BAZ1A: variants seen among roughly 807,000 people sequenced by gnomAD.
BAZ1A encodes bromodomain adjacent to zinc finger domain 1A.
A neutral mutation model predicts 185.2 loss-of-function variants in BAZ1A; 50 were observed. That is an observed-to-expected ratio of 0.27 (90% CI 0.22 to 0.34). BAZ1A has a LOEUF of 0.34. Among genes scored for constraint, BAZ1A ranks in the 10% least tolerant of loss-of-function variants. The pLI is 1.00. For missense variants in BAZ1A, 1,356 were observed against 1,839.9 expected (o/e 0.74, Z 4.81); for synonymous variants, 571 against 615.6 (o/e 0.93, Z 1.07).
intron 23 of BAZ1A, 77 bp downstream of exon 23, chr14:34,764,630 T>C: frequency 1.6e-5 from 24 of 1,526,334 alleles, no homozygotes; most frequent in Non-Finnish European, 2.0e-5. Flanking sequence ...ACCCTAACTA[T>C]TCCATTTGTA....
intron 2 of BAZ1A, among the ~76,000 whole-genome samples, chr14:34,873,412 C>G (rs1241253060): frequency 1.8e-4 from 27 of 152,196 alleles, no homozygotes. Flanking sequence ...AAACACAAGA[C>G]GCTAAAACAC....
chr14:34,832,215 C>CACACACACACACACACACACATAT, intron 3 of BAZ1A, among the ~76,000 whole-genome samples: 1 of 89,670 alleles, frequency 1.1e-5, no homozygotes. Flanking sequence ...CACACACACA[C>CACACACACACACACACACACATAT]ATATATATAT....
intron 5 of BAZ1A, among the ~76,000 whole-genome samples, chr14:34,808,840 T>C (rs1374063345): frequency 1.3e-5 from 2 of 152,198 alleles, no homozygotes; most frequent in Admixed American, 1.3e-4. Flanking sequence ...AATGTTTTAA[T>C]TGAGTTCAAT....
intron 4 of BAZ1A, among the ~76,000 whole-genome samples, chr14:34,825,137 T>C (rs2042147309): frequency 6.6e-6 from 1 of 151,924 alleles, no homozygotes; most frequent in Admixed American, 6.6e-5. Flanking sequence ...ACTGTTAAAG[T>C]ACAGAATGGA....
intron 2 of BAZ1A, among the ~76,000 whole-genome samples, chr14:34,868,280 C>T (rs1237916320): frequency 6.6e-6 from 1 of 152,180 alleles, no homozygotes; most frequent in Non-Finnish European, 1.5e-5. Flanking sequence ...TACTGATTAT[C>T]TGGCCCTTTG....
intron 2 of BAZ1A, among the ~76,000 whole-genome samples, chr14:34,864,435 A>T (rs1490881369): frequency 6.6e-6 from 1 of 151,724 alleles, no homozygotes; most frequent in African/African-American, 2.4e-5. Flanking sequence ...GAGCCACCGC[A>T]TTCAGTCCTG....
At chr14:34,778,568 A>G (rs1199857545) in intron 17 of BAZ1A, among the ~76,000 whole-genome samples, 1 of 152,250 alleles carries the variant, frequency 6.6e-6, no homozygotes, top group African/African-American at 2.4e-5. Flanking sequence ...TACTGATTCA[A>G]GTTCTTTAAT....
intron 3 of BAZ1A, among the ~76,000 whole-genome samples, chr14:34,835,870 C>T (rs1330672788): frequency 1.3e-5 from 2 of 151,404 alleles, no homozygotes; most frequent in East Asian, 3.9e-4. Flanking sequence ...AGGGTTTCTC[C>T]ATGTTGGTCA....
intron 4 of BAZ1A, 110 bp from the exon 5 acceptor site, chr14:34,811,146 ATTTT>A: frequency 1.3e-6 from 1 of 796,298 alleles, no homozygotes; most frequent in Non-Finnish European, 1.9e-6. Flanking sequence ...ATATTTCAAA[ATTTT>A]TTTTTGTTTT....
At chr14:34,825,447 C>CAAAAAAA (rs35449855) in intron 4 of BAZ1A, among the ~76,000 whole-genome samples, 3,689 of 55,282 alleles carry the variant, frequency 0.067, 673 homozygotes, top group Non-Finnish European at 0.1. Flanking sequence ...AACTCTGTCT[C>CAAAAAAA]AAAAAAAAAA....
chr14:34,861,220 AAGAGGTT>A (rs1237116117), intron 3 of BAZ1A, among the ~76,000 whole-genome samples: 1 of 152,210 alleles, frequency 6.6e-6, no homozygotes, highest in African/African-American at 2.4e-5. Flanking sequence ...AAGAGGCTAC[AAGAGGTT>A]TTAATGCATA....
At chr14:34,755,062 T>C (rs1406479123) in intron 25 of BAZ1A, 148 bp from the exon 26 acceptor site, 5 of 539,210 alleles carry the variant, frequency 9.3e-6, no homozygotes, top group Non-Finnish European at 1.6e-5. Flanking sequence ...TATATAGATA[T>C]ATATGTCTAT....
At chr14:34,784,983 G>C (rs1313046503) in intron 14 of BAZ1A, among the ~76,000 whole-genome samples, 1 of 152,176 alleles carries the variant, frequency 6.6e-6, no homozygotes, top group Admixed American at 6.5e-5. Flanking sequence ...CTGCCTCCGA[G>C]TAGCTGGGAC....
In BAZ1A at chr14:34,858,551, G is replaced by A. The variant is rs368462443; in HGVS notation, c.392+3493C>T. Among the ~76,000 whole-genome samples the A allele has an allele frequency of 4.6e-5, 7 of 152,190 alleles. No homozygotes were observed. In the East Asian group the frequency reaches 1.4e-3, roughly 29 times the overall value. On this transcript the variant is annotated intron_variant, in intron 3 of 26. Transcript: ENST00000360310. The stretch of plus-strand genomic sequence containing the variant: ...GCTGGTCTCGAACTCCTGACCTCAG[G>A]TGATCCACCTGCCTTAGCCTCCCAA...
intron 2 of BAZ1A, among the ~76,000 whole-genome samples, chr14:34,870,846 G>A (rs2042938911): frequency 6.6e-6 from 1 of 152,182 alleles, no homozygotes; most frequent in South Asian, 2.1e-4. Context: ...CCTGTAAAAG[G>A]AGGCTGTTGA....
chr14:34,756,250 A>G (rs1244810630), intron 25 of BAZ1A, among the ~76,000 whole-genome samples: 3 of 150,566 alleles, frequency 2.0e-5, no homozygotes, highest in Non-Finnish European at 2.9e-5. Flanking sequence ...AGTAGCTGGG[A>G]CTACAGGTGT....
chr14:34,834,629 C>T (rs185267698), intron 3 of BAZ1A, among the ~76,000 whole-genome samples: 3 of 152,266 alleles, frequency 2.0e-5, no homozygotes, highest in East Asian at 1.9e-4. Flanking sequence ...ACCAAACCAC[C>T]GGTAGCATTC....
intron 4 of BAZ1A, among the ~76,000 whole-genome samples, chr14:34,820,135 T>TTTG (rs1317392701): frequency 2.1e-5 from 3 of 145,552 alleles, no homozygotes; most frequent in East Asian, 2.0e-4. Flanking sequence ...TTTTTTTTTT[T>TTTG]TTTTTTTTTT....
chr14:34,754,667 G>A (rs1886165581), intron 26 of BAZ1A, among the ~76,000 whole-genome samples, 160 bp downstream of exon 26: 1 of 151,302 alleles, frequency 6.6e-6, no homozygotes, highest in African/African-American at 2.4e-5. Context: ...ATAAGTACTT[G>A]TGGAACCTCA....
Sources: allele counts gnomAD v4.1 joint callset (sites outside exome capture counted in the v4.1 genomes callset), GRCh38; gene constraint gnomAD v4.1.1; transcripts MANE v1.5; gene names NCBI Gene and HGNC (gene_info 2026-07-23, HGNC 2026-07-21).